Variants in ROBO2 observed in about 807,000 individuals in gnomAD.
ROBO2 encodes the protein roundabout homolog 2.
In ROBO2, 53 loss-of-function variants were observed where a neutral mutation model predicts 160.8. The ratio of observed to expected loss-of-function variants is 0.33; its 90% CI spans 0.26 to 0.41. ROBO2 has a LOEUF of 0.41. Among genes scored for constraint, ROBO2 ranks in the 10% least tolerant of loss-of-function variants. ROBO2 has a pLI of 1.00. For missense variants in ROBO2, 1,577 were observed against 1,722.4 expected (o/e 0.92, Z 1.49); for synonymous variants, 664 against 611.7 (o/e 1.09, Z -1.26).
At chr3:77,274,357 G>A (rs867597993) in intron 2 of ROBO2, among the ~76,000 whole-genome samples, 16 of 152,092 alleles carry the variant, frequency 1.1e-4, no homozygotes, top group Middle Eastern at 6.8e-3. Flanking sequence ...AGGCAGATGG[G>A]GAGTGCTAGC....
At chr3:76,285,433 G>A (rs1332765759) in intron 2 of ROBO2, among the ~76,000 whole-genome samples, 1 of 151,932 alleles carries the variant, frequency 6.6e-6, no homozygotes, top group South Asian at 2.1e-4. Flanking sequence ...ACTCTTGATT[G>A]CCAGCAGAAT....
chr3:76,759,206 T>TA (rs561230079), intron 2 of ROBO2, among the ~76,000 whole-genome samples: 15 of 151,772 alleles, frequency 9.9e-5, no homozygotes, highest in Admixed American at 2.6e-4. Context: ...TCAAAGCTAA[T>TA]AAAAAGGAAT....
At chr3:77,453,897 C>G (rs527808048) in intron 2 of ROBO2, among the ~76,000 whole-genome samples, 152 of 152,138 alleles carry the variant, frequency 1.0e-3, no homozygotes, top group Non-Finnish European at 4.7e-4. Flanking sequence ...CCAGGAAGAA[C>G]AGTGAAGAAA....
intron 2 of ROBO2, among the ~76,000 whole-genome samples, chr3:76,437,124 T>C (rs1369309594): frequency 6.6e-6 from 1 of 152,226 alleles, no homozygotes; most frequent in Non-Finnish European, 1.5e-5. Context: ...CCAAAATCTT[T>C]ATGTAAGAGA....
At chr3:77,098,135 C>T (rs1227246560) in exon 2 of ROBO2, 3 of 1,614,204 alleles carry the variant, frequency 1.9e-6, no homozygotes, top group Non-Finnish European at 2.5e-6. Context: ...CAACGCCCAC[C>T]ATTGAGTGGT....
intron 2 of ROBO2, among the ~76,000 whole-genome samples, chr3:76,915,563 G>A (rs189956168): frequency 1.0e-3 from 158 of 151,688 alleles, no homozygotes; most frequent in African/African-American, 3.6e-3. Flanking sequence ...CCAGCTACTC[G>A]GGAGGCTGAT....
At chr3:77,327,859 G>T (rs1202085244) in intron 2 of ROBO2, among the ~76,000 whole-genome samples, 1 of 151,866 alleles carries the variant, frequency 6.6e-6, no homozygotes, top group Non-Finnish European at 1.5e-5. Flanking sequence ...AGACTAGCCT[G>T]GACAACAATG....
intron 2 of ROBO2, among the ~76,000 whole-genome samples, chr3:76,043,528 C>T (rs2067344371): frequency 7.0e-6 from 1 of 142,156 alleles, no homozygotes; most frequent in African/African-American, 2.6e-5. Flanking sequence ...TGGAGAAGAC[C>T]TAACATTGAC....
chr3:77,479,874 C>G (rs947972590), intron 3 of ROBO2, among the ~76,000 whole-genome samples: 1 of 152,096 alleles, frequency 6.6e-6, no homozygotes, highest in East Asian at 1.9e-4. Context: ...CTAGTTCAGT[C>G]GGTTCCCATG....
At chr3:76,865,631 C>A (rs1466730216) in intron 2 of ROBO2, among the ~76,000 whole-genome samples, 4 of 152,094 alleles carry the variant, frequency 2.6e-5, no homozygotes, top group African/African-American at 9.7e-5. Flanking sequence ...CTGACCTCAC[C>A]ATTTATTCCA....
chr3:77,537,677 A>C (rs2092212178), intron 6 of ROBO2, among the ~76,000 whole-genome samples: 2 of 152,298 alleles, frequency 1.3e-5, no homozygotes, highest in African/African-American at 4.8e-5. Context: ...ATAAGGACAT[A>C]CCCAAGGCTG....
intron 21 of ROBO2, among the ~76,000 whole-genome samples, chr3:77,615,373 T>C (rs1274891989): frequency 6.6e-6 from 1 of 152,120 alleles, no homozygotes; most frequent in Admixed American, 6.6e-5. Context: ...ATAGTTTACA[T>C]TAGGGTTCTC....
chr3:76,308,395 A>AAG (rs2071423433), intron 2 of ROBO2, among the ~76,000 whole-genome samples: 1 of 150,540 alleles, frequency 6.6e-6, no homozygotes, highest in East Asian at 1.9e-4. Context: ...AAAAAAAAAA[A>AAG]AAGAAAGAAA....
intron 2 of ROBO2, among the ~76,000 whole-genome samples, chr3:77,353,698 A>T (rs1236595977): frequency 6.6e-6 from 1 of 152,030 alleles, no homozygotes; most frequent in African/African-American, 2.4e-5. Flanking sequence ...TTTAGTAGAG[A>T]TGGGGTTTCA....
At chr3:77,577,391 G>T (rs1338621454) in intron 14 of ROBO2, 99 bp from the exon 16 acceptor site, 24 of 1,505,808 alleles carry the variant, frequency 1.6e-5, no homozygotes, top group Non-Finnish European at 2.2e-5. Context: ...CTGGAAGCCA[G>T]AGTCTCCTGC....
chr3:77,215,904 G>A (rs1463273315), intron 2 of ROBO2, among the ~76,000 whole-genome samples: 1 of 152,190 alleles, frequency 6.6e-6, no homozygotes, highest in Non-Finnish European at 1.5e-5. Flanking sequence ...AGATATTGGT[G>A]AACAGCAAAT....
intron 2 of ROBO2, among the ~76,000 whole-genome samples, chr3:76,365,460 T>C (rs1389706982): frequency 6.6e-6 from 1 of 152,088 alleles, no homozygotes; most frequent in African/African-American, 2.4e-5. Context: ...CTTTTCGCTA[T>C]GCAGAGGCTA....
chr3:76,081,379 G>A (rs538713234), intron 2 of ROBO2, among the ~76,000 whole-genome samples: 1 of 152,106 alleles, frequency 6.6e-6, no homozygotes, highest in South Asian at 2.1e-4. Flanking sequence ...TCTGTAAATG[G>A]TGAAAATCAT....
chr3:77,519,613 C>CT (rs1313762908), intron 5 of ROBO2, among the ~76,000 whole-genome samples: 1 of 151,380 alleles, frequency 6.6e-6, no homozygotes, highest in Admixed American at 6.6e-5. Flanking sequence ...TGATTTCCTT[C>CT]TTTTTTATGG....
Sources: gnomAD v4.1 joint callset for allele counts (sites outside exome capture counted in the v4.1 genomes callset) on GRCh38, gnomAD v4.1.1 for gene constraint, MANE v1.5 for transcripts, NCBI Gene and HGNC (gene_info 2026-07-23, HGNC 2026-07-21) for gene names.